The following ZFHX3 variants were observed in gnomAD, a reference collection of about 807,000 sequenced individuals.
ZFHX3 encodes the protein zinc finger homeobox 3.
ZFHX3 carries 42 observed loss-of-function variants against 279.1 expected under a neutral mutation model. The observed-to-expected ratio is 0.15, with a 90% CI of 0.12 to 0.19. The LOEUF is 0.19. ZFHX3 is among the 10% of genes least tolerant of loss of function. ZFHX3 has a pLI of 1.00. For synonymous variants in ZFHX3, 2,293 were observed against 1,957.8 expected (o/e 1.17, Z -4.52); for missense variants, 4,981 against 4,754.0 (o/e 1.05, Z -1.40).
At chr16:73,180,647 G>T (rs968551547) in intron 5 of ZFHX3, among the ~76,000 whole-genome samples, 9 of 151,958 alleles carry the variant, frequency 5.9e-5, no homozygotes, top group Non-Finnish European at 1.5e-5. Context: ...TGTATCACTT[G>T]CTTACTGTCA....
At chr16:72,840,374 A>G (rs899589959) in intron 4 of ZFHX3, among the ~76,000 whole-genome samples, 1 of 152,204 alleles carries the variant, frequency 6.6e-6, no homozygotes, top group African/African-American at 2.4e-5. Context: ...GATGCAATCT[A>G]TACAAGAACG....
At chr16:72,901,530 TAAAAG>T (rs748266277) in intron 3 of ZFHX3, among the ~76,000 whole-genome samples, 2 of 152,158 alleles carry the variant, frequency 1.3e-5, no homozygotes, top group Non-Finnish European at 2.9e-5. Flanking sequence ...ATTCTTCTCT[TAAAAG>T]AGAGAATGAG....
intron 4 of ZFHX3, among the ~76,000 whole-genome samples, chr16:73,307,899 C>G (rs947413406): frequency 3.9e-5 from 6 of 152,060 alleles, no homozygotes; most frequent in African/African-American, 1.4e-4. Flanking sequence ...TGAAGATGAG[C>G]AATTGCCTTT....
At chr16:72,833,960 CTT>C (rs2037124686) in intron 4 of ZFHX3, among the ~76,000 whole-genome samples, 1 of 152,174 alleles carries the variant, frequency 6.6e-6, no homozygotes, top group Non-Finnish European at 1.5e-5. Flanking sequence ...TAAAAAACCT[CTT>C]TGGCTGGGCA....
chr16:73,111,648 GAGGA>G (rs918394386), intron 7 of ZFHX3, among the ~76,000 whole-genome samples: 5 of 67,554 alleles, frequency 7.4e-5, no homozygotes, highest in African/African-American at 1.2e-4. Flanking sequence ...GAGAGAAAGA[GAGGA>G]AGGAAGGAAG....
At position 73,162,768 on chromosome 16, in the gene ZFHX3, C is replaced by T. The variant is rs147888413; in HGVS notation, c.-1103-18937G>A. On this transcript the variant is annotated intron_variant, in intron 5 of 17. Coordinates refer to the ZFHX3 transcript ENST00000641206. ...TTAACCACTCTTAACCCCGGAATGTCGAATTTTCCACAAATAAAAATATTT... is the reference window on the plus strand; with the variant it reads ...TTAACCACTCTTAACCCCGGAATGTTGAATTTTCCACAAATAAAAATATTT... 5.9e-5 allele frequency among the ~76,000 whole-genome samples: 9 copies of T among 152,066 alleles called. No individual in the cohort carries two copies. The East Asian group carries it at 9.7e-4, about 16-fold the overall frequency.
chr16:72,942,976 T>A (rs1243605394), intron 3 of ZFHX3, among the ~76,000 whole-genome samples: 1 of 152,222 alleles, frequency 6.6e-6, no homozygotes, highest in Non-Finnish European at 1.5e-5. Flanking sequence ...GCCAGGCCTT[T>A]CCATCCCTTC....
intron 2 of ZFHX3, among the ~76,000 whole-genome samples, chr16:73,657,008 T>G (rs989916345): frequency 3.9e-5 from 6 of 152,240 alleles, no homozygotes; most frequent in Admixed American, 3.3e-4. Flanking sequence ...CTTGCCAAAA[T>G]AGCTTTAAGA....
intron 1 of ZFHX3, among the ~76,000 whole-genome samples, chr16:73,017,418 G>A (rs1169402140): frequency 6.6e-6 from 1 of 151,984 alleles, no homozygotes; most frequent in Non-Finnish European, 1.5e-5. Context: ...ATACTTGAAA[G>A]GTATATCTGA....
At position 73,073,752 on chromosome 16, in the gene ZFHX3, G is replaced by T. The variant is rs150185478; in HGVS notation, c.-532-14740C>A. On this transcript the variant is annotated intron_variant, in intron 8 of 17. Coordinates refer to the ZFHX3 transcript ENST00000641206. ...AACCTCAACTGATCCACCAGCCTCG[G>T]CCTCCCAAAGTGCTGGGATTACAGG... 3.9e-5 allele frequency among the ~76,000 whole-genome samples: 6 copies of T among 152,290 alleles called. No individual in the cohort carries two copies. In the East Asian group the frequency reaches 1.2e-3, roughly 29 times the overall value.
chr16:72,860,844 G>A (rs143365061), intron 4 of ZFHX3, among the ~76,000 whole-genome samples: 144 of 152,250 alleles, frequency 9.5e-4, no homozygotes, highest in African/African-American at 3.1e-3. Flanking sequence ...GTCCTTTCTC[G>A]ATCTTTGCGC....
At chr16:73,614,957 G>T (rs1216063670) in intron 2 of ZFHX3, among the ~76,000 whole-genome samples, 1 of 151,894 alleles carries the variant, frequency 6.6e-6, no homozygotes, top group African/African-American at 2.4e-5. Context: ...ATGGGGTTTT[G>T]CCATGTTGCC....
At chr16:73,539,731 C>T (rs945721241) in intron 2 of ZFHX3, among the ~76,000 whole-genome samples, 7 of 148,888 alleles carry the variant, frequency 4.7e-5, no homozygotes, top group African/African-American at 9.9e-5. Flanking sequence ...CGTGTAGGTC[C>T]GGGCCATCGG....
intron 5 of ZFHX3, among the ~76,000 whole-genome samples, chr16:73,177,121 T>G (rs1967682864): frequency 6.6e-6 from 1 of 152,134 alleles, no homozygotes; most frequent in South Asian, 2.1e-4. Context: ...ATATCTGCAC[T>G]CCAGCCTGGG....
At chr16:73,661,306 A>G (rs1030502381) in intron 2 of ZFHX3, among the ~76,000 whole-genome samples, 2 of 152,256 alleles carry the variant, frequency 1.3e-5, no homozygotes, top group Non-Finnish European at 2.9e-5. Flanking sequence ...AAAAACAGAA[A>G]GAAAATACAG....
In ZFHX3 at chr16:73,433,185, A is replaced by G. The variant is rs376439806; in HGVS notation, c.-1291+22818T>C. Reference sequence around the variant, plus strand: ...CGGGGCCTGCTGCCATGGAGCTGCCACTGAGTATTACTATCACTCCAGACA... The same window carrying G: ...CGGGGCCTGCTGCCATGGAGCTGCCGCTGAGTATTACTATCACTCCAGACA... On this transcript the variant is annotated intron_variant, in intron 3 of 17. Transcript: ENST00000641206. Among the ~76,000 whole-genome samples, 255 of 152,332 alleles carry G rather than the reference A, an allele frequency of 1.7e-3. 1 individual carries two copies. The highest frequency in any genetic ancestry group is 3.1e-3 in the Non-Finnish European group (208 of 68,026).
intron 2 of ZFHX3, among the ~76,000 whole-genome samples, chr16:73,555,274 C>T (rs530034374): frequency 1.3e-5 from 2 of 152,136 alleles, no homozygotes; most frequent in South Asian, 4.2e-4. Flanking sequence ...CCTGCCTCAG[C>T]CTGCCGAATA....
intron 4 of ZFHX3, among the ~76,000 whole-genome samples, chr16:73,281,227 A>T (rs2014451337): frequency 1.3e-5 from 2 of 152,182 alleles, no homozygotes; most frequent in Non-Finnish European, 2.9e-5. Flanking sequence ...GAAAACAATC[A>T]TAAATGTCAA....
At chr16:72,900,901 G>C (rs987860529) in intron 3 of ZFHX3, among the ~76,000 whole-genome samples, 4 of 152,222 alleles carry the variant, frequency 2.6e-5, no homozygotes, top group Admixed American at 2.0e-4. Context: ...CTGTTGCAGG[G>C]AGGAAAATTT....
Sources: allele counts gnomAD v4.1 joint callset (sites outside exome capture counted in the v4.1 genomes callset), GRCh38; gene constraint gnomAD v4.1.1; transcripts MANE v1.5; gene names NCBI Gene and HGNC (gene_info 2026-07-23, HGNC 2026-07-21).